The following ABCB11 variants were observed in gnomAD, a reference collection of about 807,000 sequenced individuals.
The protein encoded by ABCB11 is bile salt export pump.
In ABCB11, 95 loss-of-function variants were observed where a neutral mutation model predicts 148.0. The ratio of observed to expected loss-of-function variants is 0.64; its 90% CI spans 0.54 to 0.76. The LOEUF (loss-of-function observed/expected upper bound fraction) is 0.76, where lower values mean the gene tolerates loss of function less well. Among genes scored for constraint, ABCB11 ranks in the 30% least tolerant of loss-of-function variants. The pLI, the probability that ABCB11 is intolerant of heterozygous loss-of-function variation, is 0.00. For synonymous variants in ABCB11, 591 were observed against 555.4 expected (o/e 1.06, Z -0.90); for missense variants, 1,523 against 1,617.8 (o/e 0.94, Z 1.01).
intron 1 of ABCB11, among the ~76,000 whole-genome samples, chr2:169,023,840 C>T (rs962225905): frequency 8.5e-5 from 13 of 152,064 alleles, no homozygotes; most frequent in Non-Finnish European, 4.4e-5. Flanking sequence ...CTCAGAGGGC[C>T]CCTGAACTGT....
chr2:169,025,584 C>T (rs1695671942), intron 1 of ABCB11, among the ~76,000 whole-genome samples: 3 of 152,184 alleles, frequency 2.0e-5, no homozygotes, highest in Non-Finnish European at 4.4e-5. Context: ...ATCCACTAAC[C>T]TATTCTCTTT....
chr2:168,951,495 AT>A (rs899170924), intron 19 of ABCB11, among the ~76,000 whole-genome samples: 194 of 151,176 alleles, frequency 1.3e-3, no homozygotes, highest in Admixed American at 2.1e-3. Flanking sequence ...ATTCCTAAGT[AT>A]TTTTTTTGTA....
chr2:168,932,884 C>A (rs562032277), intron 23 of ABCB11, among the ~76,000 whole-genome samples: 5 of 151,894 alleles, frequency 3.3e-5, no homozygotes, highest in Non-Finnish European at 4.4e-5. Context: ...CCGAGGCGGG[C>A]GGATCACGAG....
chr2:168,963,273 G>A (rs1693155686), intron 18 of ABCB11, among the ~76,000 whole-genome samples: 1 of 151,656 alleles, frequency 6.6e-6, no homozygotes, highest in African/African-American at 2.4e-5. Flanking sequence ...TAAGTGCAAG[G>A]CACTGGGTTA....
At chr2:169,018,336 G>A (rs1463662124) in intron 1 of ABCB11, among the ~76,000 whole-genome samples, 184 bp from the exon 2 acceptor site, 1 of 152,138 alleles carries the variant, frequency 6.6e-6, no homozygotes, top group East Asian at 1.9e-4. Context: ...ATAAGCCACA[G>A]TCATTGATAA....
At chr2:168,984,458 T>C (rs142183082) in intron 10 of ABCB11, among the ~76,000 whole-genome samples, 1 of 152,274 alleles carries the variant, frequency 6.6e-6, no homozygotes, top group East Asian at 1.9e-4. Context: ...GTAAAGACAA[T>C]GAAAATTAAA....
intron 10 of ABCB11, among the ~76,000 whole-genome samples, chr2:168,984,620 T>C (rs1694253226): frequency 6.6e-6 from 1 of 152,186 alleles, no homozygotes; most frequent in Admixed American, 6.6e-5. Flanking sequence ...AGCTCAGTTA[T>C]ACGAGCTGTT....
intron 5 of ABCB11, among the ~76,000 whole-genome samples, chr2:169,009,225 T>G (rs897962951): frequency 1.3e-5 from 2 of 152,196 alleles, no homozygotes; most frequent in African/African-American, 4.8e-5. Context: ...ATCCCATTAC[T>G]GGGTATATAC....
chr2:168,980,432 T>G (rs753970810), intron 10 of ABCB11, among the ~76,000 whole-genome samples: 1 of 152,188 alleles, frequency 6.6e-6, no homozygotes. Flanking sequence ...AACCTGCTAC[T>G]GTTGTTACCG....
intron 13 of ABCB11, among the ~76,000 whole-genome samples, chr2:168,972,965 G>A (rs1305243842): frequency 6.6e-6 from 1 of 151,984 alleles, no homozygotes; most frequent in Non-Finnish European, 1.5e-5. Context: ...GTGACAATAA[G>A]TAATCATTTT....
At chr2:169,013,860 T>C (rs1157245264) in intron 4 of ABCB11, among the ~76,000 whole-genome samples, 1 of 152,162 alleles carries the variant, frequency 6.6e-6, no homozygotes, top group Non-Finnish European at 1.5e-5. Flanking sequence ...AGATAAACTG[T>C]GTGGGGCATT....
intron 25 of ABCB11, 116 bp downstream of exon 25, chr2:168,930,549 G>A (rs937562373): frequency 1.3e-6 from 1 of 743,800 alleles, no homozygotes; most frequent in Middle Eastern, 2.5e-4. Flanking sequence ...CATGGGGTAA[G>A]TGCCTTAGGC....
chr2:168,962,499 G>A (rs370737159), intron 18 of ABCB11, among the ~76,000 whole-genome samples: 16 of 151,630 alleles, frequency 1.1e-4, no homozygotes, highest in South Asian at 1.0e-3. Context: ...CTACACCTAC[G>A]CTAGGTCCTC....
intron 7 of ABCB11, 132 bp downstream of exon 7, chr2:168,995,217 C>T: frequency 9.5e-7 from 1 of 1,050,576 alleles, no homozygotes. Context: ...AGCCATGCCA[C>T]ATATGAAAGC....
intron 12 of ABCB11, among the ~76,000 whole-genome samples, chr2:168,976,033 A>T (rs548053862): frequency 1.3e-4 from 19 of 151,978 alleles, no homozygotes; most frequent in Admixed American, 4.6e-4. Flanking sequence ...GCAGGAAATA[A>T]TTTTTTTCAC....
intron 16 of ABCB11, 88 bp downstream of exon 16, chr2:168,969,262 G>T: frequency 8.1e-7 from 1 of 1,234,144 alleles, no homozygotes; most frequent in Non-Finnish European, 1.1e-6. Flanking sequence ...TGGGAGAACA[G>T]TGAGTATTGA....
intron 22 of ABCB11, 133 bp downstream of exon 22, chr2:168,936,097 G>T: frequency 1.2e-6 from 1 of 832,976 alleles, no homozygotes; most frequent in Non-Finnish European, 1.8e-6. Context: ...AGAAAGGGTG[G>T]TGGAAGGTTC....
intron 13 of ABCB11, among the ~76,000 whole-genome samples, chr2:168,972,820 C>T (rs1283516902): frequency 6.6e-6 from 1 of 151,996 alleles, no homozygotes; most frequent in African/African-American, 2.4e-5. Context: ...AGAGCATGGG[C>T]TTTGGAACCC....
In ABCB11 at chr2:168,971,912, T is replaced by G; in HGVS notation, c.1573A>C (p.Met525Leu). The change falls in exon 14 of 28, where the codon ATG (methionine) becomes CTG (leucine). Residue 525 changes from methionine to leucine, a missense_variant. Met to Leu is a conservative substitution (Grantham distance 15, BLOSUM62 2). Transcript: ENST00000650372. ...NIRYGREDATMEDIVQAAKEA... is the reference protein window; with the variant it reads ...NIRYGREDATLEDIVQAAKEA... ...TTGGCAGCTTGGACTATGTCTTCCA[T>G]TGTTGCATCTTCTCTGCCATAGCGA... 1 of 1,613,154 alleles carries G rather than the reference T, an allele frequency of 6.2e-7. No homozygotes were observed. The highest frequency in any genetic ancestry group is 1.7e-5 in the Admixed American group (1 of 59,926).
Sources: gnomAD v4.1 joint callset for allele counts (sites outside exome capture counted in the v4.1 genomes callset) on GRCh38, gnomAD v4.1.1 for gene constraint, MANE v1.5 for transcripts, NCBI Gene and HGNC (gene_info 2026-07-23, HGNC 2026-07-21) for gene names.